The following RASAL2 variants were observed in gnomAD, a reference collection of about 807,000 sequenced individuals.
The protein encoded by RASAL2 is RAS protein activator like 2.
In RASAL2, 58 loss-of-function variants were observed where a neutral mutation model predicts 128.9. The ratio of observed to expected loss-of-function variants is 0.45; its 90% confidence interval spans 0.36 to 0.56. RASAL2 has a LOEUF of 0.56. Ranked by LOEUF, RASAL2 falls within the 20% of genes least tolerant of loss-of-function variation. The pLI, the probability that RASAL2 is intolerant of heterozygous loss-of-function variation, is 0.00. For missense variants in RASAL2, 1,360 were observed against 1,601.6 expected (o/e 0.85, Z 2.57); for synonymous variants, 561 against 580.8 (o/e 0.97, Z 0.49).
At chr1:178,400,882 G>A (rs1381247290) in intron 4 of RASAL2, among the ~76,000 whole-genome samples, 4 of 152,044 alleles carry the variant, frequency 2.6e-5, no homozygotes, top group Admixed American at 2.0e-4. Context: ...TCCCGAGTAG[G>A]TGGGATTACA....
chr1:178,223,858 A>G (rs959993341), intron 1 of RASAL2, among the ~76,000 whole-genome samples: 1 of 152,152 alleles, frequency 6.6e-6, no homozygotes, highest in African/African-American at 2.4e-5. Context: ...AGAGATGGTG[A>G]TAACTAAGGT....
chr1:178,397,521 A>C (rs1223968645), intron 4 of RASAL2, among the ~76,000 whole-genome samples: 1 of 152,198 alleles, frequency 6.6e-6, no homozygotes. Flanking sequence ...TTCTTTTTAC[A>C]TAATGAAAAT....
intron 4 of RASAL2, among the ~76,000 whole-genome samples, chr1:178,406,330 C>T (rs1673999676): frequency 6.6e-6 from 1 of 152,114 alleles, no homozygotes; most frequent in Non-Finnish European, 1.5e-5. Context: ...AGAAAGACTA[C>T]ATACTGCATA....
intron 5 of RASAL2, among the ~76,000 whole-genome samples, chr1:178,429,669 A>G (rs1675757014): frequency 6.6e-6 from 1 of 152,132 alleles, no homozygotes; most frequent in East Asian, 1.9e-4. Flanking sequence ...GCTACCGCAC[A>G]AAAGGCAACA....
intron 1 of RASAL2, among the ~76,000 whole-genome samples, chr1:178,119,770 T>C (rs1317785449): frequency 2.0e-5 from 3 of 152,200 alleles, no homozygotes; most frequent in African/African-American, 7.2e-5. Context: ...GACTTGTCAA[T>C]CTGGATTGCC....
At chr1:178,313,528 T>C (rs934116958) in intron 3 of RASAL2, among the ~76,000 whole-genome samples, 1 of 151,830 alleles carries the variant, frequency 6.6e-6, no homozygotes, top group Admixed American at 6.6e-5. Flanking sequence ...TCTCACTCTG[T>C]CACCCGGGCT....
chr1:178,460,168 G>C (rs1040473824), intron 14 of RASAL2, among the ~76,000 whole-genome samples: 1 of 152,146 alleles, frequency 6.6e-6, no homozygotes, highest in Non-Finnish European at 1.5e-5. Context: ...GCAGCACAAG[G>C]GCACTGAAGA....
intron 3 of RASAL2, among the ~76,000 whole-genome samples, chr1:178,328,258 T>A (rs543957767): frequency 6.6e-6 from 1 of 152,176 alleles, no homozygotes; most frequent in African/African-American, 2.4e-5. Flanking sequence ...CTTTTTAAAT[T>A]TTTTTTATTT....
intron 3 of RASAL2, among the ~76,000 whole-genome samples, chr1:178,368,145 T>C (rs532680479): frequency 1.1e-4 from 16 of 152,326 alleles, no homozygotes; most frequent in African/African-American, 3.1e-4. Flanking sequence ...CCTGCCTAAA[T>C]TGGTCTCTGT....
intron 1 of RASAL2, among the ~76,000 whole-genome samples, chr1:178,205,965 A>G (rs747904583): frequency 1.3e-5 from 2 of 152,124 alleles, no homozygotes; most frequent in Non-Finnish European, 2.9e-5. Flanking sequence ...GACATTACGG[A>G]CCATCCTCTC....
intron 3 of RASAL2, among the ~76,000 whole-genome samples, chr1:178,346,087 T>G (rs1670138756): frequency 6.6e-6 from 1 of 152,154 alleles, no homozygotes; most frequent in Admixed American, 6.5e-5. Context: ...TTTAAGGAGT[T>G]TTTTTATTAA....
chr1:178,403,232 G>C (rs1673764568), intron 4 of RASAL2, among the ~76,000 whole-genome samples: 1 of 152,116 alleles, frequency 6.6e-6, no homozygotes, highest in South Asian at 2.1e-4. Flanking sequence ...ACCAGATTTA[G>C]TTTGGTTTTA....
intron 1 of RASAL2, among the ~76,000 whole-genome samples, chr1:178,189,616 G>A (rs138622413): frequency 1.1e-4 from 16 of 152,140 alleles, no homozygotes; most frequent in Non-Finnish European, 2.2e-4. Flanking sequence ...CAATGACCTC[G>A]CAGTCTCACT....
At position 178,175,165 on chromosome 1, in the gene RASAL2, TTG is replaced by T. The variant is rs532865916; in HGVS notation, c.202+80472_202+80473del. On this transcript the variant is annotated intron_variant, in intron 1 of 17. Transcript: ENST00000367649. ...AAAGTATTATCTTAGGTCCCTTTCA[TTG>T]CCATGATTTTGACATGTGTTTTTTT... Among the ~76,000 whole-genome samples the T allele has an allele frequency of 3.9e-5, 6 of 152,330 alleles. No homozygotes were observed. The South Asian group carries it at 1.2e-3, about 32-fold the overall frequency.
At chr1:178,411,618 G>A in intron 4 of RASAL2, 1 of 757,612 alleles carries the variant, frequency 1.3e-6, no homozygotes, top group Non-Finnish European at 2.5e-6. Flanking sequence ...CACACTTCAG[G>A]TGGCTGAAGG....
rs146166666 is a variant in RASAL2, at chr1:178,114,626, A to C, written c.202+19932A>C. Among the ~76,000 whole-genome samples the C allele has an allele frequency of 5.3e-3, 795 of 150,840 alleles. 7 individuals carry two copies. The highest frequency in any genetic ancestry group is 0.019 in the African/African-American group (770 of 41,048). ...AAGCTCCGCCTCCTGGGTTCATGCCATTCTCCTGCCTCAGCCTCCCTAGTA... is the reference window on the plus strand; with the variant it reads ...AAGCTCCGCCTCCTGGGTTCATGCCCTTCTCCTGCCTCAGCCTCCCTAGTA... On this transcript the variant is annotated intron_variant, in intron 1 of 17. Coordinates refer to ENST00000367649, the MANE Select transcript of RASAL2 (RefSeq NM_170692.4).
At chr1:178,096,176 A>T (rs145855307) in intron 1 of RASAL2, among the ~76,000 whole-genome samples, 2 of 152,320 alleles carry the variant, frequency 1.3e-5, no homozygotes, top group East Asian at 3.9e-4. Flanking sequence ...GAAAGTGCAT[A>T]TGAATTAGAG....
chr1:178,147,247 G>A lies in RASAL2; in HGVS notation c.202+52553G>A, dbSNP rs572810298. On this transcript the variant is annotated intron_variant, in intron 1 of 17. Coordinates refer to ENST00000367649, the MANE Select transcript of RASAL2 (RefSeq NM_170692.4). ...GTCATGCCTATAATCCCAGCACTTAGGGAGGCCGAGGTGGGTGGATCGCCT... is the reference window on the plus strand; with the variant it reads ...GTCATGCCTATAATCCCAGCACTTAAGGAGGCCGAGGTGGGTGGATCGCCT... Among the ~76,000 whole-genome samples the A allele has an allele frequency of 1.5e-3, 234 of 152,204 alleles. 1 individual carries two copies. The highest frequency in any genetic ancestry group is 5.4e-3 in the African/African-American group (224 of 41,536).
At chr1:178,146,718 G>A (rs1354716005) in intron 1 of RASAL2, among the ~76,000 whole-genome samples, 1 of 152,208 alleles carries the variant, frequency 6.6e-6, no homozygotes, top group Non-Finnish European at 1.5e-5. Flanking sequence ...GCCATGGGAA[G>A]GGAATGTTAT....
Sources: gnomAD v4.1 joint callset for allele counts (sites outside exome capture counted in the v4.1 genomes callset) on GRCh38, gnomAD v4.1.1 for gene constraint, MANE v1.5 for transcripts, NCBI Gene and HGNC (gene_info 2026-07-23, HGNC 2026-07-21) for gene names.